Variants in USP50 observed in about 807,000 individuals in gnomAD.
The protein encoded by USP50 is ubiquitin specific peptidase 50.
Under a neutral mutation model 39.2 loss-of-function variants are expected in USP50, and 37 were observed. The observed-to-expected ratio is 0.94, with a 90% confidence interval of 0.73 to 1.24. USP50 has a LOEUF of 1.24. Ranked by LOEUF, USP50 falls within the 50% of genes most tolerant of loss-of-function variation. The probability of loss-of-function intolerance (pLI) is 0.00; values close to 1 mark genes in which losing one functional copy is unlikely to be tolerated. For synonymous variants in USP50, 139 were observed against 144.5 expected (o/e 0.96, Z 0.27); for missense variants, 374 against 398.2 (o/e 0.94, Z 0.52).
rs58329541 is a variant in USP50, at chr15:50,506,957, C to CAAAAAAAA, written c.937-6128_937-6121dup. The stretch of plus-strand genomic sequence containing the variant: ...TGGGCGACAGAGCGAGACTTCATCT[C>CAAAAAAAA]AAAAAAAAAAAAAAAAAAAAAAAAA... On this transcript the variant is annotated intron_variant, in intron 6 of 6. Transcript: ENST00000532404. The CAAAAAAAA allele has an allele frequency of 5.2e-4, 24 of 46,228 alleles. 2 individuals are homozygous for CAAAAAAAA. Among genetic ancestry groups the CAAAAAAAA allele is most frequent in the African/African-American group, 2.3e-3 (24 of 10,552 alleles). The allele number at this position is 46,228 out of a possible 1,614,324, so 2.9% of individuals were successfully genotyped here. A position where few individuals can be genotyped will look rare whatever the true frequency, so the allele number is the denominator to read the frequency against.
At chr15:50,524,107 A>G (rs2141365504) in intron 6 of USP50, among the ~76,000 whole-genome samples, 2 of 152,374 alleles carry the variant, frequency 1.3e-5, no homozygotes, top group Admixed American at 1.3e-4. Context: ...TCCTTATATC[A>G]TAAACAAAAA....
chr15:50,495,189 GATATATAT>G lies in USP50; in HGVS notation n.185-1067_185-1060del, dbSNP rs147090227. On this transcript the variant is annotated intron_variant and non_coding_transcript_variant, in intron 1 of 1. Coordinates refer to the USP50 transcript ENST00000560159. The stretch of plus-strand genomic sequence containing the variant: ...GGTCACCATTCTTAACCACTGAACA[GATATATAT>G]ATATATACACACACACCTACACAAA... Among the ~76,000 whole-genome samples the G allele has an allele frequency of 4.8e-5, 7 of 146,788 alleles. No homozygotes were observed. In the East Asian group the frequency reaches 1.4e-3, roughly 29 times the overall value.
At chr15:50,507,738 A>C (rs1054917082) in intron 6 of USP50, 1 of 152,052 alleles carries the variant, frequency 6.6e-6, no homozygotes, top group Non-Finnish European at 1.5e-5. Flanking sequence ...TGAGTATCTG[A>C]CTCCTGAAAT....
rs1156632022 is a variant in USP50 at position 50,543,883 on chromosome 15, AAGAACGT to A, written c.249-97_249-91del. 8 of 1,306,566 alleles carry A rather than the reference AAGAACGT, an allele frequency of 6.1e-6. No individual in the cohort carries two copies. The East Asian group carries it at 2.0e-4, about 33-fold the overall frequency. 80.9% of individuals were successfully genotyped at this position (1,306,566 alleles called of 1,614,324 possible). A position where few individuals can be genotyped will look rare whatever the true frequency, so the allele number is the denominator to read the frequency against. On this transcript the variant is annotated intron_variant, in intron 2 of 6. Coordinates refer to ENST00000532404, the MANE Select transcript of USP50 (RefSeq NM_203494.5). ...GCCTAGGAAATTAGTCTCAAAATGGAAGAACGTGGTGTCTCATGCCTGTAACCCCAGC... is the reference window on the plus strand; with the variant it reads ...GCCTAGGAAATTAGTCTCAAAATGGAGGTGTCTCATGCCTGTAACCCCAGC...
At chr15:50,506,931 C>T (rs2052669067) in intron 6 of USP50, 1 of 129,630 alleles carries the variant, frequency 7.7e-6, no homozygotes, top group African/African-American at 3.0e-5. Flanking sequence ...GCATTCCAGC[C>T]TGGGCGACAG....
intron 5 of USP50, among the ~76,000 whole-genome samples, chr15:50,532,484 C>G (rs980358580): frequency 2.0e-5 from 3 of 151,902 alleles, no homozygotes; most frequent in Non-Finnish European, 2.9e-5. Context: ...AAGACCGAGA[C>G]CCACTCATAG....
chr15:50,512,835 A>AT (rs1388682486), intron 6 of USP50: 1 of 152,118 alleles, frequency 6.6e-6, no homozygotes, highest in Non-Finnish European at 1.5e-5. Flanking sequence ...AACTGAACAC[A>AT]TTTAAGGTGA....
chr15:50,501,605 C>G (rs2052589830), intron 6 of USP50: 1 of 151,648 alleles, frequency 6.6e-6, no homozygotes, highest in Non-Finnish European at 1.5e-5. Flanking sequence ...ATTGAGGGGG[C>G]TATGTAGCAA....
chr15:50,493,503 A>G (rs2052258552), downstream of USP50: 1 of 518,616 alleles, frequency 1.9e-6, no homozygotes, highest in Non-Finnish European at 3.9e-6. Context: ...TGGTAATCCT[A>G]GCACTTTGGG....
intron 6 of USP50, among the ~76,000 whole-genome samples, chr15:50,520,229 AG>A (rs1396451574): frequency 1.3e-5 from 2 of 151,898 alleles, no homozygotes; most frequent in Non-Finnish European, 2.9e-5. Context: ...GGATCTCTTA[AG>A]CCCAGGAATT....
rs1555395224 is a variant in USP50 at position 50,525,670 on chromosome 15, G to GTGTATATTATATATGTATATGTA, written c.936+4126_936+4127insTACATATACATATATAATATACA. ...TATATGTATATGTATATATGTATAT[G>GTGTATATTATATATGTATATGTA]TATATATGTATATTATATATGTATA... On this transcript the variant is annotated intron_variant, in intron 6 of 6. Coordinates refer to ENST00000532404, the MANE Select transcript of USP50 (RefSeq NM_203494.5). 3.2e-4 allele frequency among the ~76,000 whole-genome samples: 30 copies of GTGTATATTATATATGTATATGTA among 92,520 alleles called. 1 individual carries two copies. The highest frequency in any genetic ancestry group is 1.0e-3 in the African/African-American group (26 of 25,036). 60.7% of individuals were successfully genotyped at this position (92,520 alleles called of 152,430 possible).
At chr15:50,528,968 T>C (rs1013565604) in intron 6 of USP50, among the ~76,000 whole-genome samples, 6 of 152,176 alleles carry the variant, frequency 3.9e-5, no homozygotes, top group Admixed American at 2.0e-4. Context: ...AACACCGTGA[T>C]CCAGAACAGA....
chr15:50,509,851 G>A (rs1374782038), intron 6 of USP50: 2 of 151,976 alleles, frequency 1.3e-5, no homozygotes, highest in Non-Finnish European at 2.9e-5. Context: ...GAAATACATG[G>A]CTCACACCTA....
At chr15:50,544,385 A>C (rs1269830764) in intron 2 of USP50, among the ~76,000 whole-genome samples, 3 of 151,764 alleles carry the variant, frequency 2.0e-5, no homozygotes, top group Non-Finnish European at 2.9e-5. Flanking sequence ...AAAAAAAATA[A>C]AAAATAAAAA....
chr15:50,526,340 G>C (rs771596328), intron 6 of USP50, among the ~76,000 whole-genome samples: 1 of 152,210 alleles, frequency 6.6e-6, no homozygotes, highest in South Asian at 2.1e-4. Context: ...GACTACAGGC[G>C]TGAGCCACTG....
intron 6 of USP50, among the ~76,000 whole-genome samples, chr15:50,519,104 T>C (rs2052827052): frequency 6.6e-6 from 1 of 151,526 alleles, no homozygotes; most frequent in South Asian, 2.1e-4. Context: ...CTGAGCAGCA[T>C]GGTGAAATCT....
chr15:50,537,236 C>T lies in USP50; in HGVS notation c.803+1473G>A, dbSNP rs191219552. 4.2e-3 allele frequency among the ~76,000 whole-genome samples: 597 copies of T among 141,990 alleles called. 4 individuals are homozygous for T. Among genetic ancestry groups the T allele is most frequent in the Middle Eastern group, 0.022 (6 of 276 alleles). The allele number at this position is 141,990 out of a possible 152,430, so 93.2% of individuals were successfully genotyped here. ...GTGCTAGGACAACTGGATATCCACG[C>T]GAAAAAAAAAAGAAGAAGAAGAAGA... On this transcript the variant is annotated intron_variant, in intron 5 of 6. Coordinates refer to ENST00000532404, the MANE Select transcript of USP50 (RefSeq NM_203494.5).
intron 6 of USP50, chr15:50,508,901 G>A (rs141854869): frequency 0.19 from 28,219 of 151,224 alleles, 3,374 homozygotes; most frequent in East Asian, 0.47. Flanking sequence ...TTGGGAGGCC[G>A]AGGCGGGCGG....
chr15:50,499,843 A>AT (rs1236228815), downstream of USP50: 6 of 152,276 alleles, frequency 3.9e-5, no homozygotes, highest in South Asian at 6.2e-4. Flanking sequence ...AAAACCATAG[A>AT]TTTTATATAC....
Sources: allele counts gnomAD v4.1 joint callset (sites outside exome capture counted in the v4.1 genomes callset), GRCh38; gene constraint gnomAD v4.1.1; transcripts MANE v1.5; gene names NCBI Gene and HGNC (gene_info 2026-07-23, HGNC 2026-07-21).